Variants in PCDHA2 observed in about 807,000 individuals in gnomAD.
The protein encoded by PCDHA2 is protocadherin alpha-2.
PCDHA2 carries 58 observed loss-of-function variants against 66.0 expected under a neutral mutation model. That is an observed-to-expected ratio of 0.88 (90% CI 0.71 to 1.09). The LOEUF is 1.09. Ranked by LOEUF, PCDHA2 falls within the 50% of genes least tolerant of loss-of-function variation. The probability of loss-of-function intolerance (pLI) is 0.00; values close to 1 mark genes in which losing one functional copy is unlikely to be tolerated. For synonymous variants in PCDHA2, 634 were observed against 554.0 expected (o/e 1.14, Z -2.03); for missense variants, 1,267 against 1,242.3 (o/e 1.02, Z -0.30).
At chr5:140,962,076 G>A (rs2095654806) in intron 1 of PCDHA2, among the ~76,000 whole-genome samples, 1 of 151,758 alleles carries the variant, frequency 6.6e-6, no homozygotes. Flanking sequence ...TAGTAGAGAC[G>A]GGGTTTCACC....
In PCDHA2 at chr5:140,856,541, G is replaced by A. The variant is rs1554148841; in HGVS notation, c.2388+59189G>A. The A allele has an allele frequency of 2.5e-6, 4 of 1,598,164 alleles. 1 individual carries two copies. The highest frequency in any genetic ancestry group is 3.4e-6 in the Non-Finnish European group (4 of 1,167,670). On this transcript the variant is annotated intron_variant, in intron 1 of 3. Transcript: ENST00000526136. ...ATCTGATGCGGATGTTGGAGAGAACGCATTGCTTACTTACAAACTCAGTCC... is the reference window on the plus strand; with the variant it reads ...ATCTGATGCGGATGTTGGAGAGAACACATTGCTTACTTACAAACTCAGTCC...
At chr5:140,926,438 G>A (rs2083248814) in intron 1 of PCDHA2, 1 of 154,646 alleles carries the variant, frequency 6.5e-6, no homozygotes, top group African/African-American at 2.4e-5. Flanking sequence ...TTAAGATCTG[G>A]GCAGCCTCAG....
intron 1 of PCDHA2, chr5:140,861,256 C>T (rs553582293): frequency 1.8e-5 from 3 of 166,694 alleles, no homozygotes; most frequent in African/African-American, 7.2e-5. Flanking sequence ...GCCAGGAATC[C>T]CGGAGCCTAC....
At chr5:140,829,554 C>A in intron 1 of PCDHA2, 7 of 1,612,816 alleles carry the variant, frequency 4.3e-6, no homozygotes, top group Non-Finnish European at 5.9e-6. Context: ...CAGGAGAACG[C>A]GCTGGTGTCC....
At chr5:140,935,840 G>T (rs155359) in intron 1 of PCDHA2, among the ~76,000 whole-genome samples, 87,412 of 151,068 alleles carry the variant, frequency 0.58, 26,203 homozygotes, top group African/African-American at 0.75. Context: ...ATTCCATACT[G>T]CTTAATGGTG....
At chr5:141,005,930 G>C (rs1179599253) in intron 3 of PCDHA2, among the ~76,000 whole-genome samples, 1 of 151,958 alleles carries the variant, frequency 6.6e-6, no homozygotes, top group African/African-American at 2.4e-5. Context: ...CTGGTTGACA[G>C]AGTGAGAACC....
intron 3 of PCDHA2, among the ~76,000 whole-genome samples, chr5:141,007,907 A>G (rs1402621923): frequency 6.6e-6 from 1 of 152,186 alleles, no homozygotes; most frequent in Non-Finnish European, 1.5e-5. Flanking sequence ...TTCTTTGTTG[A>G]AGATGCTATA....
intron 3 of PCDHA2, among the ~76,000 whole-genome samples, chr5:141,002,059 G>T (rs983772482): frequency 6.6e-6 from 1 of 152,242 alleles, no homozygotes; most frequent in East Asian, 1.9e-4. Flanking sequence ...AGAGGCAGCA[G>T]CAGCCGCCAG....
At chr5:140,993,107 A>G (rs2097540621) in intron 3 of PCDHA2, among the ~76,000 whole-genome samples, 1 of 152,218 alleles carries the variant, frequency 6.6e-6, no homozygotes, top group South Asian at 2.1e-4. Context: ...TTCAGCGGTC[A>G]GTGTCACATC....
At chr5:140,917,522 G>A (rs931609211) in intron 1 of PCDHA2, among the ~76,000 whole-genome samples, 1 of 152,144 alleles carries the variant, frequency 6.6e-6, no homozygotes, top group Non-Finnish European at 1.5e-5. Context: ...TTTATTCTAC[G>A]GTTTGTATAG....
chr5:140,848,619 G>C lies in PCDHA2; in HGVS notation c.2388+51267G>C, dbSNP rs2150415128. The C allele has an allele frequency of 3.5e-5, 55 of 1,593,396 alleles. 5 individuals are homozygous for C. Among genetic ancestry groups the C allele is most frequent in the Admixed American group, 1.5e-4 (9 of 59,226 alleles). ...CTCCGTCCCGGAGGAAGCCGAACACGGCACCTTCGTGGGCCGCATCGCGCA... is the reference window on the plus strand; with the variant it reads ...CTCCGTCCCGGAGGAAGCCGAACACCGCACCTTCGTGGGCCGCATCGCGCA... On this transcript the variant is annotated intron_variant, in intron 1 of 3. Coordinates refer to ENST00000526136, the MANE Select transcript of PCDHA2 (RefSeq NM_018905.3).
At chr5:141,006,050 G>A (rs1554260524) in intron 3 of PCDHA2, among the ~76,000 whole-genome samples, 1 of 151,092 alleles carries the variant, frequency 6.6e-6, no homozygotes, top group African/African-American at 2.4e-5. Flanking sequence ...GTAGATGAGA[G>A]TGGAGAAGAA....
chr5:140,917,106 TC>T (rs1554197830), intron 1 of PCDHA2, among the ~76,000 whole-genome samples: 1 of 152,094 alleles, frequency 6.6e-6, no homozygotes, highest in African/African-American at 2.4e-5. Context: ...GTGCTTTACT[TC>T]CTCCAAGTGC....
At chr5:140,917,332 G>GC (rs1293292013) in intron 1 of PCDHA2, among the ~76,000 whole-genome samples, 1 of 145,540 alleles carries the variant, frequency 6.9e-6, no homozygotes, top group Non-Finnish European at 1.5e-5. Flanking sequence ...GGCGGGGGAG[G>GC]GGGGGGATGG....
intron 1 of PCDHA2, among the ~76,000 whole-genome samples, chr5:140,939,804 G>A (rs2092463605): frequency 6.6e-6 from 1 of 152,140 alleles, no homozygotes; most frequent in Non-Finnish European, 1.5e-5. Flanking sequence ...TGTTCTGCAT[G>A]TTCAAGAAAA....
chr5:140,828,734 A>G (rs1554131491), intron 1 of PCDHA2: 1 of 1,614,248 alleles, frequency 6.2e-7, no homozygotes, highest in Non-Finnish European at 8.5e-7. Context: ...CCTGACAGCC[A>G]CAGATGGGGG....
intron 1 of PCDHA2, among the ~76,000 whole-genome samples, chr5:140,948,814 A>G (rs1284322137): frequency 1.3e-5 from 2 of 151,134 alleles, no homozygotes; most frequent in African/African-American, 4.8e-5. Context: ...TTTGGTTTCT[A>G]TTTCATTAAT....
At chr5:140,967,784 C>G in intron 1 of PCDHA2, 1 of 1,614,174 alleles carries the variant, frequency 6.2e-7, no homozygotes, top group Non-Finnish European at 8.5e-7. Flanking sequence ...GGCGACTGAC[C>G]GGGGTCCAGT....
At chr5:140,809,872 A>AT (rs1435895332) in intron 1 of PCDHA2, 4 of 262,694 alleles carry the variant, frequency 1.5e-5, no homozygotes, top group Middle Eastern at 1.2e-3. Context: ...TTTTACTATT[A>AT]TTTAACCTAT....
Sources: allele counts gnomAD v4.1 joint callset (sites outside exome capture counted in the v4.1 genomes callset), GRCh38; gene constraint gnomAD v4.1.1; transcripts MANE v1.5; gene names NCBI Gene and HGNC (gene_info 2026-07-23, HGNC 2026-07-21).